Variants in NBAS observed in about 807,000 individuals in gnomAD.
NBAS encodes NBAS subunit of NRZ tethering complex.
In NBAS, 219 loss-of-function variants were observed where a neutral mutation model predicts 302.5. The ratio of observed to expected loss-of-function variants is 0.72; its 90% CI spans 0.65 to 0.81. The LOEUF is 0.81. Among genes scored for constraint, NBAS ranks in the 30% least tolerant of loss-of-function variants. The pLI, the probability that NBAS is intolerant of heterozygous loss-of-function variation, is 0.00. For missense variants in NBAS, 2,932 were observed against 2,841.6 expected (o/e 1.03, Z -0.72); for synonymous variants, 1,118 against 1,021.6 (o/e 1.09, Z -1.80).
At chr2:15,396,309 G>T in intron 27 of NBAS, 104 bp downstream of exon 27, 1 of 885,822 alleles carries the variant, frequency 1.1e-6, no homozygotes, top group Non-Finnish European at 1.7e-6. Flanking sequence ...ACAAAAATGA[G>T]GTTAAAGTAG....
intron 43 of NBAS, 130 bp downstream of exon 43, chr2:15,276,721 T>C (rs1217869781): frequency 1.5e-6 from 2 of 1,344,534 alleles, no homozygotes; most frequent in East Asian, 2.4e-5. Flanking sequence ...ATAACTAAAG[T>C]CGATTAGCTT....
At chr2:15,488,627 G>A (rs767302395) in intron 12 of NBAS, among the ~76,000 whole-genome samples, 2 of 151,992 alleles carry the variant, frequency 1.3e-5, no homozygotes, top group Non-Finnish European at 2.9e-5. Context: ...GAATGACAAA[G>A]AGGGAAAAAA....
intron 9 of NBAS, among the ~76,000 whole-genome samples, chr2:15,530,647 A>G (rs2148674385): frequency 6.6e-6 from 1 of 152,212 alleles, no homozygotes; most frequent in East Asian, 1.9e-4. Context: ...ACAAAAACAA[A>G]GGAGGGGAAA....
intron 43 of NBAS, among the ~76,000 whole-genome samples, chr2:15,276,523 T>A (rs762409369): frequency 2.0e-5 from 3 of 152,190 alleles, no homozygotes; most frequent in African/African-American, 7.2e-5. Flanking sequence ...TTATAAAGTG[T>A]CTTGGCCTTG....
intron 44 of NBAS, among the ~76,000 whole-genome samples, chr2:15,273,919 C>CA (rs540948990): frequency 0.038 from 5,393 of 140,574 alleles, 219 homozygotes; most frequent in African/African-American, 0.11. Flanking sequence ...ACTAAAAATA[C>CA]AAAAAAAAAA....
intron 11 of NBAS, among the ~76,000 whole-genome samples, chr2:15,503,754 A>T (rs911220671): frequency 6.6e-6 from 1 of 152,206 alleles, no homozygotes; most frequent in Non-Finnish European, 1.5e-5. Flanking sequence ...AGATTTGGGG[A>T]AGAATTTTTT....
At position 15,396,468 on chromosome 2, in the gene NBAS, T is replaced by A. The variant is rs1363403170; in HGVS notation, c.3079A>T (p.Thr1027Ser). 1.9e-6 allele frequency: 3 copies of A among 1,587,156 alleles called. No homozygotes were observed. The highest frequency in any genetic ancestry group is 2.6e-6 in the Non-Finnish European group (3 of 1,169,828). ...CLPERGYGDK[T>S]EATTKLHDMV... ...TCATGAAGCTTTGTGGTTGCCTCTG[T>A]CTTATCACTAATAAATTAAAAGAAG... is the stretch of plus-strand genomic sequence containing the variant. Residue 1027 changes from threonine to serine, a missense_variant, in exon 27 of 52, where the codon ACA (threonine) becomes TCA (serine). By Grantham distance (58) the Thr-to-Ser change is moderately conservative (BLOSUM62 1). Transcript: ENST00000281513.
chr2:14,961,593 AT>A, the NBAS span, among the ~76,000 whole-genome samples: 1 of 152,152 alleles, frequency 6.6e-6, no homozygotes, highest in South Asian at 2.1e-4. Context: ...AAGTTCCTTT[AT>A]TTATCAATTA....
At chr2:15,066,938 G>A in the NBAS span, among the ~76,000 whole-genome samples, 1 of 152,068 alleles carries the variant, frequency 6.6e-6, no homozygotes, top group African/African-American at 2.4e-5. Flanking sequence ...CAATAGCCAA[G>A]ATAAGGAATC....
chr2:14,891,664 C>T, the NBAS span, among the ~76,000 whole-genome samples: 6 of 152,294 alleles, frequency 3.9e-5, no homozygotes, highest in East Asian at 1.2e-3. Flanking sequence ...CAAACATTCA[C>T]ACCTGGTAAA....
chr2:14,846,194 T>C, the NBAS span, among the ~76,000 whole-genome samples: 1 of 152,168 alleles, frequency 6.6e-6, no homozygotes, highest in Non-Finnish European at 1.5e-5. Flanking sequence ...ACAGCTTGAA[T>C]ATGTCTGCCA....
chr2:15,164,442 A>T (rs941696148), downstream of NBAS, among the ~76,000 whole-genome samples: 1 of 152,224 alleles, frequency 6.6e-6, no homozygotes, highest in Non-Finnish European at 1.5e-5. Flanking sequence ...TAACTTAAGC[A>T]TTATTAGCCC....
At chr2:15,167,424 T>G (rs1572384444) in intron 51 of NBAS, 101 bp from the exon 52 acceptor site, 6 of 1,448,820 alleles carry the variant, frequency 4.1e-6, no homozygotes, top group Non-Finnish European at 5.7e-6. Context: ...TCATCATTCA[T>G]GCCCTGGCCT....
At chr2:14,898,683 T>C in the NBAS span, among the ~76,000 whole-genome samples, 6 of 152,228 alleles carry the variant, frequency 3.9e-5, no homozygotes, top group Non-Finnish European at 5.9e-5. Flanking sequence ...TGCTTTTATG[T>C]CTTCCTCATT....
At chr2:15,528,997 G>A (rs988627041) in intron 9 of NBAS, among the ~76,000 whole-genome samples, 2 of 150,388 alleles carry the variant, frequency 1.3e-5, no homozygotes, top group Non-Finnish European at 2.9e-5. Context: ...TCCCCCAACC[G>A]CTAACATGGT....
At chr2:15,237,472 G>A (rs543258624) in intron 45 of NBAS, among the ~76,000 whole-genome samples, 15 of 151,820 alleles carry the variant, frequency 9.9e-5, no homozygotes, top group African/African-American at 3.6e-4. Context: ...AACAGGATAA[G>A]GGTATACGTT....
the NBAS span, among the ~76,000 whole-genome samples, chr2:15,032,838 C>T: frequency 1.3e-5 from 2 of 151,160 alleles, no homozygotes; most frequent in East Asian, 1.9e-4. Context: ...ACAGATGGCA[C>T]AGCAGAGCTA....
intron 44 of NBAS, among the ~76,000 whole-genome samples, chr2:15,264,307 C>T (rs73194993): frequency 6.6e-6 from 1 of 152,098 alleles, no homozygotes; most frequent in Non-Finnish European, 1.5e-5. Flanking sequence ...ATTTACACCC[C>T]CTATGAATTT....
the NBAS span, among the ~76,000 whole-genome samples, chr2:14,977,009 C>T: frequency 7.0e-4 from 106 of 152,266 alleles, 1 homozygote; most frequent in African/African-American, 2.4e-3. Flanking sequence ...GAAATGAATA[C>T]ACCACCCTAA....
Sources: gnomAD v4.1 joint callset for allele counts (sites outside exome capture counted in the v4.1 genomes callset) on GRCh38, gnomAD v4.1.1 for gene constraint, MANE v1.5 for transcripts, NCBI Gene and HGNC (gene_info 2026-07-23, HGNC 2026-07-21) for gene names.